The following PRKAG2 variants were observed in gnomAD, a reference collection of about 807,000 sequenced individuals.
PRKAG2 encodes the protein protein kinase AMP-activated non-catalytic subunit gamma 2, also known as 5'-AMP-activated protein kinase subunit gamma-2.
In PRKAG2, 26 loss-of-function variants were observed where a neutral mutation model predicts 69.6. The observed-to-expected ratio is 0.37, with a 90% CI of 0.27 to 0.52. The LOEUF is 0.52. Ranked by LOEUF, PRKAG2 falls within the 20% of genes least tolerant of loss-of-function variation. PRKAG2 has a pLI of 0.90. For synonymous variants in PRKAG2, 293 were observed against 285.0 expected, an observed-to-expected ratio of 1.03 and a Z score of -0.28; for missense variants, 557 against 740.0, an observed-to-expected ratio of 0.75 and a Z score of 2.87.
intron 5 of PRKAG2, among the ~76,000 whole-genome samples, chr7:151,604,442 G>C (rs1257125101): frequency 1.3e-5 from 2 of 152,184 alleles, no homozygotes; most frequent in African/African-American, 4.8e-5. Context: ...TTTGAGACCA[G>C]CCTGGGCAAC....
At chr7:151,753,450 G>C (rs536180357) in intron 3 of PRKAG2, among the ~76,000 whole-genome samples, 1 of 152,218 alleles carries the variant, frequency 6.6e-6, no homozygotes, top group Non-Finnish European at 1.5e-5. Flanking sequence ...GTGAGAGATC[G>C]TGAGAAATGA....
chr7:151,572,752 C>A, intron 8 of PRKAG2, 43 bp from the exon 9 acceptor site: 1 of 1,169,784 alleles, frequency 8.5e-7, no homozygotes, highest in African/African-American at 1.6e-5. Context: ...ACATATACAA[C>A]ATAGAAAAAA....
At chr7:151,689,417 C>T (rs1835301011) in intron 3 of PRKAG2, among the ~76,000 whole-genome samples, 1 of 152,206 alleles carries the variant, frequency 6.6e-6, no homozygotes, top group Admixed American at 6.5e-5. Flanking sequence ...AAGCCATTTC[C>T]AGGTGTACAG....
intron 5 of PRKAG2, among the ~76,000 whole-genome samples, chr7:151,605,018 CTTAT>C (rs953377140): frequency 1.3e-5 from 2 of 152,118 alleles, no homozygotes; most frequent in African/African-American, 4.8e-5. Flanking sequence ...TAAATATTTA[CTTAT>C]TTATTTATTT....
At chr7:151,704,072 AT>A (rs1344639342) in intron 3 of PRKAG2, among the ~76,000 whole-genome samples, 1 of 151,952 alleles carries the variant, frequency 6.6e-6, no homozygotes, top group Non-Finnish European at 1.5e-5. Flanking sequence ...AAAAAAAAAA[AT>A]GTGGGTACAT....
intron 4 of PRKAG2, among the ~76,000 whole-genome samples, chr7:151,669,704 C>T (rs934737611): frequency 7.1e-5 from 10 of 141,802 alleles, no homozygotes; most frequent in Middle Eastern, 3.3e-3. Flanking sequence ...GTGCCACAGG[C>T]GCCTTATTGG....
intron 10 of PRKAG2, among the ~76,000 whole-genome samples, chr7:151,569,919 C>A (rs1262582098): frequency 6.6e-6 from 1 of 152,190 alleles, no homozygotes; most frequent in Non-Finnish European, 1.5e-5. Context: ...ACACGCCCCC[C>A]AGATTGGCCG....
chr7:151,650,728 CA>C (rs1443608963), intron 4 of PRKAG2, among the ~76,000 whole-genome samples: 1 of 152,234 alleles, frequency 6.6e-6, no homozygotes, highest in Non-Finnish European at 1.5e-5. Flanking sequence ...AAGGCAGTGG[CA>C]AACTGTGACA....
intron 1 of PRKAG2, among the ~76,000 whole-genome samples, chr7:151,823,253 T>TC (rs397819129): frequency 6.6e-6 from 1 of 151,776 alleles, no homozygotes; most frequent in Non-Finnish European, 1.5e-5. Flanking sequence ...CATTTTTTTT[T>TC]CCAAAAATTG....
rs1246059107 is a variant in PRKAG2 at position 151,699,037 on chromosome 7, G to C, written c.467-23400C>G. ...TGATAGGCTCAAACGGGCCGTGGGAGGGTTTCAGGACAGGGTACAGGAAAT... is the reference window on the plus strand; with the variant it reads ...TGATAGGCTCAAACGGGCCGTGGGACGGTTTCAGGACAGGGTACAGGAAAT... On this transcript the variant is annotated intron_variant, in intron 3 of 15. Transcript: ENST00000287878. The surrounding 1 kb of genome is among the most constrained non-coding windows in gnomAD (Gnocchi z 4.5). 6.6e-6 allele frequency among the ~76,000 whole-genome samples: 1 copy of C among 152,208 alleles called. No homozygotes were observed. The highest frequency in any genetic ancestry group is 1.9e-4 in the East Asian group (1 of 5,192).
intron 5 of PRKAG2, among the ~76,000 whole-genome samples, chr7:151,604,782 T>C (rs1364997440): frequency 6.6e-6 from 1 of 152,208 alleles, no homozygotes; most frequent in African/African-American, 2.4e-5. Flanking sequence ...GTCGGGAGCA[T>C]CTCCTCGGGC....
At chr7:151,591,987 T>C (rs114783745) in intron 6 of PRKAG2, among the ~76,000 whole-genome samples, 5,405 of 152,144 alleles carry the variant, frequency 0.036, 303 homozygotes, top group African/African-American at 0.12. Flanking sequence ...AACAGGGAAC[T>C]ACTAGGCCCC....
intron 14 of PRKAG2, among the ~76,000 whole-genome samples, chr7:151,561,086 G>C (rs929509931): frequency 4.6e-5 from 7 of 152,096 alleles, no homozygotes; most frequent in Non-Finnish European, 1.0e-4. Context: ...TGAAAAACAG[G>C]GACACAGGCA....
rs139464915 is a variant in PRKAG2 at position 151,796,781 on chromosome 7, G to A, written c.115-10240C>T. The stretch of plus-strand genomic sequence containing the variant: ...GGGCGTAAATGACTGAGGACGGCCC[G>A]GGGGCCAGTAAACACCAAGACCTCG... On this transcript the variant is annotated intron_variant, in intron 1 of 15. Coordinates refer to ENST00000287878, the MANE Select transcript of PRKAG2 (RefSeq NM_016203.4). Among the ~76,000 whole-genome samples, 232 of 152,234 alleles carry A rather than the reference G, an allele frequency of 1.5e-3. 1 individual carries two copies. The highest frequency in any genetic ancestry group is 5.2e-3 in the African/African-American group (216 of 41,526).
intron 1 of PRKAG2, among the ~76,000 whole-genome samples, chr7:151,800,110 C>A (rs1251371183): frequency 6.6e-6 from 1 of 152,066 alleles, no homozygotes; most frequent in Non-Finnish European, 1.5e-5. Context: ...GTAATCCCAG[C>A]ACTTTGGGAG....
At chr7:151,774,721 C>T (rs1052942112) in intron 3 of PRKAG2, among the ~76,000 whole-genome samples, 10 of 152,216 alleles carry the variant, frequency 6.6e-5, no homozygotes, top group East Asian at 5.8e-4. Flanking sequence ...GCATGAGAAT[C>T]GCTTGAACCC....
intron 1 of PRKAG2, among the ~76,000 whole-genome samples, chr7:151,849,790 T>C (rs1046028228): frequency 6.6e-6 from 1 of 152,196 alleles, no homozygotes; most frequent in Non-Finnish European, 1.5e-5. Context: ...GCAGTTATGC[T>C]GGATTAAGGG....
intron 4 of PRKAG2, among the ~76,000 whole-genome samples, chr7:151,664,826 G>T (rs565002817): frequency 1.3e-5 from 2 of 152,210 alleles, no homozygotes; most frequent in African/African-American, 4.8e-5. Flanking sequence ...CCTCACCCAG[G>T]TGAAGGCAGG....
chr7:151,729,379 G>A (rs1021281519), intron 3 of PRKAG2, among the ~76,000 whole-genome samples: 54 of 151,998 alleles, frequency 3.6e-4, no homozygotes, highest in Admixed American at 7.2e-4. Flanking sequence ...AGGGCTGGAC[G>A]GTTTTGGGTG....
Sources: allele counts gnomAD v4.1 joint callset (sites outside exome capture counted in the v4.1 genomes callset), GRCh38; gene constraint gnomAD v4.1.1; non-coding constraint Gnocchi (gnomAD v3.1); transcripts MANE v1.5; gene names NCBI Gene and HGNC (gene_info 2026-07-23, HGNC 2026-07-21).